Variants in CAST observed in about 807,000 individuals in gnomAD.
CAST encodes the protein MIR583 host.
Under a neutral mutation model 119.6 loss-of-function variants are expected in CAST, and 76 were observed. The ratio of observed to expected loss-of-function variants is 0.64; its 90% CI spans 0.53 to 0.77. The LOEUF (loss-of-function observed/expected upper bound fraction) is 0.77, where lower values mean the gene tolerates loss of function less well. Among genes scored for constraint, CAST ranks in the 30% least tolerant of loss-of-function variants. The pLI, the probability that CAST is intolerant of heterozygous loss-of-function variation, is 0.00. For synonymous variants in CAST, 319 were observed against 331.6 expected, an observed-to-expected ratio of 0.96 and a Z score of 0.41; for missense variants, 953 against 946.5, an observed-to-expected ratio of 1.01 and a Z score of -0.09.
the CAST span, among the ~76,000 whole-genome samples, chr5:96,430,212 T>C: frequency 7.2e-5 from 11 of 152,346 alleles, no homozygotes; most frequent in East Asian, 2.1e-3. Context: ...TATTGACATC[T>C]TTGGTTCATT....
the CAST span, among the ~76,000 whole-genome samples, chr5:96,447,472 A>ACT: frequency 6.6e-6 from 1 of 152,182 alleles, no homozygotes; most frequent in African/African-American, 2.4e-5. Context: ...TCATCCACAT[A>ACT]CACACCCATC....
At chr5:96,083,270 A>G in the CAST span, among the ~76,000 whole-genome samples, 1 of 152,268 alleles carries the variant, frequency 6.6e-6, no homozygotes, top group South Asian at 2.1e-4. Context: ...AAATACCAAA[A>G]AGAGAATAAA....
chr5:96,660,090 T>C (rs1010277603), upstream of CAST, among the ~76,000 whole-genome samples: 2 of 152,244 alleles, frequency 1.3e-5, no homozygotes, highest in Admixed American at 1.3e-4. Context: ...GTGTAGCTGC[T>C]CCACAAACAA....
At chr5:96,301,580 T>G in the CAST span, among the ~76,000 whole-genome samples, 4 of 152,008 alleles carry the variant, frequency 2.6e-5, no homozygotes, top group Non-Finnish European at 5.9e-5. Context: ...ACAATGGGGG[T>G]ACAGGCATTG....
the CAST span, among the ~76,000 whole-genome samples, chr5:95,964,836 A>T: frequency 6.6e-6 from 1 of 151,510 alleles, no homozygotes; most frequent in Admixed American, 6.6e-5. Context: ...AGATTTAATA[A>T]CTGAGAAGAA....
Position 96,727,394 on chromosome 5 carries a change from T to C in CAST, c.337-95T>C, listed in dbSNP as rs925090356. 2.2e-5 allele frequency: 13 copies of C among 604,012 alleles called. No individual in the cohort carries two copies. In the African/African-American group the frequency reaches 2.3e-4, roughly 11 times the overall value. 37.4% of individuals were successfully genotyped at this position (604,012 alleles called of 1,614,324 possible). A position where few individuals can be genotyped will look rare whatever the true frequency, so the allele number is the denominator to read the frequency against. On this transcript the variant is annotated intron_variant, in intron 5 of 31. Coordinates refer to ENST00000675179, the MANE Select transcript of CAST (RefSeq NM_001750.7). Reference sequence around the variant, plus strand: ...ACATTAAAAATCATCTCTTTTGAGTTTCCTCAGTTGAAGAAAATCTGTGAT... The same window carrying C: ...ACATTAAAAATCATCTCTTTTGAGTCTCCTCAGTTGAAGAAAATCTGTGAT...
the CAST span, among the ~76,000 whole-genome samples, chr5:95,974,487 C>A: frequency 8.5e-5 from 13 of 152,328 alleles, no homozygotes; most frequent in East Asian, 1.3e-3. Flanking sequence ...AGCAAGGTAA[C>A]TTCTCTTAAA....
At chr5:96,369,155 TC>T in the CAST span, among the ~76,000 whole-genome samples, 1 of 151,616 alleles carries the variant, frequency 6.6e-6, no homozygotes, top group Non-Finnish European at 1.5e-5. Context: ...ATATATTTTT[TC>T]TATTTCTGAT....
intron 1 of CAST, among the ~76,000 whole-genome samples, chr5:96,577,909 T>C (rs1293109910): frequency 6.6e-6 from 1 of 152,182 alleles, no homozygotes; most frequent in Non-Finnish European, 1.5e-5. Context: ...TTTTGCCATA[T>C]ATATATTTTT....
intron 3 of CAST, among the ~76,000 whole-genome samples, chr5:96,706,907 C>T (rs566166687): frequency 6.6e-6 from 1 of 152,262 alleles, no homozygotes; most frequent in Admixed American, 6.5e-5. Context: ...TGGGGCTCTA[C>T]GCAGTTTAAC....
At chr5:96,632,752 G>A (rs544040963) in intron 1 of CAST, among the ~76,000 whole-genome samples, 2 of 151,898 alleles carry the variant, frequency 1.3e-5, no homozygotes, top group South Asian at 2.1e-4. Context: ...ATAAACATGT[G>A]GTTTATGTGT....
the CAST span, among the ~76,000 whole-genome samples, chr5:96,209,703 T>C: frequency 6.9e-5 from 8 of 116,076 alleles, no homozygotes; most frequent in South Asian, 2.2e-3. Flanking sequence ...GAAAAGTCCA[T>C]TATTAGCCTG....
the CAST span, among the ~76,000 whole-genome samples, chr5:96,150,999 G>A: frequency 6.6e-6 from 1 of 152,212 alleles, no homozygotes; most frequent in South Asian, 2.1e-4. Flanking sequence ...GGTGGAGTGA[G>A]GAGAAAGCTG....
intron 12 of CAST, among the ~76,000 whole-genome samples, 157 bp from the exon 13 acceptor site, chr5:96,740,588 C>T (rs1397930628): frequency 6.6e-6 from 1 of 152,150 alleles, no homozygotes; most frequent in Admixed American, 6.5e-5. Flanking sequence ...AGGAACCTAT[C>T]TCAAAATCAG....
the CAST span, among the ~76,000 whole-genome samples, chr5:96,109,919 A>T: frequency 6.6e-6 from 1 of 151,100 alleles, no homozygotes; most frequent in South Asian, 2.1e-4. Context: ...TATTTAAAGT[A>T]CATGTAAAAA....
At chr5:96,492,232 A>G in the CAST span, among the ~76,000 whole-genome samples, 1 of 152,246 alleles carries the variant, frequency 6.6e-6, no homozygotes, top group Non-Finnish European at 1.5e-5. Flanking sequence ...GGAGGCTTTG[A>G]TTCCCTTAAA....
the CAST span, among the ~76,000 whole-genome samples, chr5:96,136,293 A>G: frequency 6.6e-6 from 1 of 152,152 alleles, no homozygotes; most frequent in African/African-American, 2.4e-5. Flanking sequence ...AACTAGAAGA[A>G]ATTTTTTCAG....
chr5:96,317,608 A>G, the CAST span, among the ~76,000 whole-genome samples: 1 of 152,142 alleles, frequency 6.6e-6, no homozygotes, highest in Non-Finnish European at 1.5e-5. Context: ...GATGATCATA[A>G]TAATTATTTA....
intron 1 of CAST, among the ~76,000 whole-genome samples, chr5:96,594,464 C>A (rs1747019110): frequency 6.6e-6 from 1 of 152,316 alleles, no homozygotes; most frequent in Non-Finnish European, 1.5e-5. Flanking sequence ...TTCGATGATT[C>A]TGCGTGAGTT....
Sources: allele counts gnomAD v4.1 joint callset (sites outside exome capture counted in the v4.1 genomes callset), GRCh38; gene constraint gnomAD v4.1.1; transcripts MANE v1.5; gene names NCBI Gene and HGNC (gene_info 2026-07-23, HGNC 2026-07-21).